Variants in FANCC observed in about 807,000 individuals in gnomAD.
FANCC encodes the protein FA complementation group C, also known as Fanconi anemia group C protein.
FANCC carries 55 observed loss-of-function variants against 71.3 expected under a neutral mutation model. The ratio of observed to expected loss-of-function variants is 0.77; its 90% CI spans 0.62 to 0.97. The LOEUF is 0.97. Ranked by LOEUF, FANCC falls within the 50% of genes least tolerant of loss-of-function variation. FANCC has a pLI of 0.00. For missense variants in FANCC, 678 were observed against 670.9 expected, an observed-to-expected ratio of 1.01 and a Z score of -0.12; for synonymous variants, 275 against 244.9, an observed-to-expected ratio of 1.12 and a Z score of -1.15.
intron 1 of FANCC, among the ~76,000 whole-genome samples, chr9:95,301,106 A>C (rs745942718): frequency 3.9e-5 from 6 of 151,966 alleles, no homozygotes; most frequent in Non-Finnish European, 5.9e-5. Context: ...AGACCACACA[A>C]AGAAAAAAAG....
intron 1 of FANCC, among the ~76,000 whole-genome samples, chr9:95,292,107 C>T (rs914158910): frequency 6.0e-5 from 9 of 149,664 alleles, no homozygotes; most frequent in African/African-American, 1.7e-4. Flanking sequence ...CAGTAGAGTA[C>T]TGACATAAAA....
intron 4 of FANCC, among the ~76,000 whole-genome samples, chr9:95,230,430 A>C (rs1229580832): frequency 1.3e-5 from 2 of 152,098 alleles, no homozygotes; most frequent in Non-Finnish European, 2.9e-5. Flanking sequence ...AAAATTATTT[A>C]ACCTTATTGT....
intron 7 of FANCC, among the ~76,000 whole-genome samples, chr9:95,137,125 A>G (rs1827815104): frequency 6.6e-6 from 1 of 152,160 alleles, no homozygotes; most frequent in South Asian, 2.1e-4. Flanking sequence ...CACCGACCCA[A>G]CAACCCCTTC....
chr9:95,203,030 T>G (rs899230824), intron 4 of FANCC, among the ~76,000 whole-genome samples: 1 of 152,178 alleles, frequency 6.6e-6, no homozygotes, highest in African/African-American at 2.4e-5. Context: ...ATCATAACTC[T>G]AAAACCTATG....
At chr9:95,275,602 TA>T (rs1832989019) in intron 1 of FANCC, among the ~76,000 whole-genome samples, 1 of 152,168 alleles carries the variant, frequency 6.6e-6, no homozygotes, top group Non-Finnish European at 1.5e-5. Flanking sequence ...GCATGGGGTA[TA>T]GAGGAAATCT....
Position 95,126,534 on chromosome 9 carries a change from C to T in FANCC, c.891G>A (p.Met297Ile). The T allele has an allele frequency of 6.2e-7, 1 of 1,613,924 alleles. No homozygotes were observed. The highest frequency in any genetic ancestry group is 1.1e-5 in the South Asian group (1 of 91,076). The change falls in exon 9 of 15, where the codon ATG (methionine) becomes ATA (isoleucine). Residue 297 changes from methionine (M) to isoleucine (I), a missense_variant. Physicochemically the swap from Met to Ile is conservative, Grantham distance 10. Transcript: ENST00000289081. ...AGAAACAGTGTAACGTTTACCTGAA[C>T]ATCTCATCAACAACCCGGAATATGG... ...HPAIFRVVDE[M>I]FRCALLETDG...
intron 4 of FANCC, among the ~76,000 whole-genome samples, chr9:95,232,249 C>G (rs571327711): frequency 6.6e-6 from 1 of 152,246 alleles, no homozygotes; most frequent in African/African-American, 2.4e-5. Context: ...AGAAACCATC[C>G]TCATGATACA....
chr9:95,260,457 C>T (rs564752863), intron 1 of FANCC, among the ~76,000 whole-genome samples: 1 of 152,274 alleles, frequency 6.6e-6, no homozygotes, highest in African/African-American at 2.4e-5. Context: ...CCAAACACCA[C>T]ATGTTCTCAC....
chr9:95,250,099 A>C (rs576034810), intron 1 of FANCC, among the ~76,000 whole-genome samples: 58 of 152,220 alleles, frequency 3.8e-4, no homozygotes, highest in Non-Finnish European at 8.1e-4. Context: ...CATGCTAAAA[A>C]GAACAATGGA....
At chr9:95,288,155 TTC>T (rs1273306509) in intron 1 of FANCC, among the ~76,000 whole-genome samples, 1 of 152,210 alleles carries the variant, frequency 6.6e-6, no homozygotes, top group African/African-American at 2.4e-5. Context: ...GAATAATTAT[TTC>T]TTTTATCTAA....
At chr9:95,164,561 G>A (rs969695371) in intron 6 of FANCC, among the ~76,000 whole-genome samples, 10 of 152,144 alleles carry the variant, frequency 6.6e-5, no homozygotes, top group Admixed American at 2.0e-4. Context: ...GATGATCCAT[G>A]TGGTTTTTGT....
At chr9:95,291,678 T>C (rs1276931893) in intron 1 of FANCC, among the ~76,000 whole-genome samples, 2 of 152,068 alleles carry the variant, frequency 1.3e-5, no homozygotes. Context: ...CTGGGCACAG[T>C]GACTCATGCC....
At chr9:95,155,672 C>A (rs928441641) in intron 6 of FANCC, among the ~76,000 whole-genome samples, 7 of 152,022 alleles carry the variant, frequency 4.6e-5, no homozygotes, top group Non-Finnish European at 8.8e-5. Context: ...TCCTGGACCA[C>A]AATTAAAAGA....
In FANCC at chr9:95,249,190, G is replaced by C. The variant is rs2136101018; in HGVS notation, c.102C>G (p.Thr34=). The change falls in exon 2 of 15, where the codon ACC becomes ACG. Residue 34 remains threonine (T), a synonymous_variant. Transcript: ENST00000289081. ...CCTGGAACTGAGCCACGTGAAGACA[G>C]GTGTCTTGCTGGGTTTCCAAAGTGG... is the stretch of plus-strand genomic sequence containing the variant. The part of the protein sequence containing the change: ...QASTLETQQD[T]CLHVAQFQEF... The C allele has an allele frequency of 6.2e-7, 1 of 1,614,092 alleles. No homozygotes were observed. Among genetic ancestry groups the C allele is most frequent in the Non-Finnish European group, 8.5e-7 (1 of 1,179,980 alleles).
intron 1 of FANCC, among the ~76,000 whole-genome samples, chr9:95,291,933 G>A (rs1389574779): frequency 9.1e-6 from 1 of 110,178 alleles, no homozygotes; most frequent in Non-Finnish European, 1.7e-5. Flanking sequence ...AGGTGAGAGA[G>A]TGAGACTCTG....
chr9:95,276,766 TAGAC>T (rs1469709572), intron 1 of FANCC, among the ~76,000 whole-genome samples: 1 of 152,220 alleles, frequency 6.6e-6, no homozygotes, highest in Non-Finnish European at 1.5e-5. Context: ...AAGTTACAGT[TAGAC>T]AGGAGGAAAG....
Position 95,111,650 on chromosome 9 carries a change from C to CA in FANCC, c.1155-14dup. The CA allele has an allele frequency of 1.2e-6, 2 of 1,614,114 alleles. No homozygotes were observed. On this transcript the variant is annotated splice_polypyrimidine_tract_variant and intron_variant, in intron 12 of 14. Transcript: ENST00000289081. ...ACCTCCGCAGGACCTGGAACAGAGGCAGAACACATGGCAGTTGACAACCTA... is the reference window on the plus strand; with the variant it reads ...ACCTCCGCAGGACCTGGAACAGAGGCAAGAACACATGGCAGTTGACAACCTA...
intron 1 of FANCC, among the ~76,000 whole-genome samples, chr9:95,315,852 G>C (rs1183838926): frequency 1.3e-5 from 2 of 152,136 alleles, no homozygotes; most frequent in Non-Finnish European, 2.9e-5. Flanking sequence ...TCATAAACAC[G>C]AAATTTGTAT....
chr9:95,311,709 CTGTGTGTGTGTGTGTGTG>C (rs56187288), intron 1 of FANCC, among the ~76,000 whole-genome samples: 1 of 144,492 alleles, frequency 6.9e-6, no homozygotes, highest in South Asian at 2.3e-4. Context: ...TCCTCTGAAT[CTGTGTGTGTGTGTGTGTG>C]TGTGTGTGTG....
Sources: allele counts gnomAD v4.1 joint callset (sites outside exome capture counted in the v4.1 genomes callset), GRCh38; gene constraint gnomAD v4.1.1; transcripts MANE v1.5; gene names NCBI Gene and HGNC (gene_info 2026-07-23, HGNC 2026-07-21).